CRPPA: variants seen among roughly 807,000 people sequenced by gnomAD.
CRPPA encodes D-ribitol-5-phosphate cytidylyltransferase.
Under a neutral mutation model 52.0 loss-of-function variants are expected in CRPPA, and 43 were observed. The ratio of observed to expected loss-of-function variants is 0.83; its 90% confidence interval spans 0.65 to 1.07. The LOEUF is 1.07. CRPPA is among the 50% of genes least tolerant of loss of function. The pLI is 0.00. For synonymous variants in CRPPA, 250 were observed against 203.5 expected, an observed-to-expected ratio of 1.23 and a Z score of -1.94; for missense variants, 629 against 551.7, an observed-to-expected ratio of 1.14 and a Z score of -1.40.
At chr7:16,389,913 C>CAA (rs1163092089) in intron 2 of CRPPA, among the ~76,000 whole-genome samples, 15 of 34,314 alleles carry the variant, frequency 4.4e-4, no homozygotes, top group African/African-American at 2.2e-3. Flanking sequence ...GCCTAGTATA[C>CAA]AAAAAAAAAA....
chr7:16,239,338 C>T (rs1489209925), intron 8 of CRPPA, among the ~76,000 whole-genome samples: 2 of 151,620 alleles, frequency 1.3e-5, no homozygotes, highest in African/African-American at 2.4e-5. Context: ...TTACAAGTTA[C>T]ATTTATACAT....
At chr7:16,130,445 A>G (rs1395649194) in intron 9 of CRPPA, among the ~76,000 whole-genome samples, 1 of 151,884 alleles carries the variant, frequency 6.6e-6, no homozygotes, top group Non-Finnish European at 1.5e-5. Context: ...CTTGAGTTTT[A>G]TTTAATTCTT....
At chr7:16,131,002 C>A (rs1025446967) in intron 9 of CRPPA, among the ~76,000 whole-genome samples, 1 of 152,210 alleles carries the variant, frequency 6.6e-6, no homozygotes, top group African/African-American at 2.4e-5. Flanking sequence ...CAGGCCCTCA[C>A]CAGACACAGG....
At chr7:16,319,789 T>C (rs1047559660) in intron 3 of CRPPA, among the ~76,000 whole-genome samples, 7 of 152,154 alleles carry the variant, frequency 4.6e-5, no homozygotes, top group African/African-American at 1.7e-4. Flanking sequence ...CAGCATCCTA[T>C]GTTCTCCCGG....
intron 3 of CRPPA, among the ~76,000 whole-genome samples, chr7:16,310,909 T>C (rs528544354): frequency 8.4e-4 from 128 of 152,234 alleles, no homozygotes; most frequent in African/African-American, 1.5e-3. Flanking sequence ...ATTTTAAACA[T>C]AGAATTCTAC....
intron 3 of CRPPA, among the ~76,000 whole-genome samples, chr7:16,316,533 T>C (rs185142439): frequency 6.6e-6 from 1 of 152,246 alleles, no homozygotes; most frequent in African/African-American, 2.4e-5. Flanking sequence ...ATCAGTCTCA[T>C]GTTCTGGTGG....
intron 8 of CRPPA, among the ~76,000 whole-genome samples, chr7:16,258,110 A>C (rs1397399786): frequency 6.6e-6 from 1 of 152,096 alleles, no homozygotes; most frequent in Non-Finnish European, 1.5e-5. Context: ...CAGTTGACTT[A>C]AACCGAATAC....
chr7:16,241,012 C>T (rs1267766935), intron 8 of CRPPA, among the ~76,000 whole-genome samples: 1 of 152,010 alleles, frequency 6.6e-6, no homozygotes, highest in Non-Finnish European at 1.5e-5. Flanking sequence ...CATGCTATTA[C>T]TTAGCACATT....
chr7:16,258,773 G>T (rs1293007508), intron 7 of CRPPA, 147 bp downstream of exon 7: 1 of 563,518 alleles, frequency 1.8e-6, no homozygotes, highest in Non-Finnish European at 3.0e-6. Context: ...CTTGTTGAAA[G>T]TATTATTTCT....
rs545663821 is a variant in CRPPA at position 16,303,477 on chromosome 7, T to TAAAAAAAA, written c.790-2019_790-2012dup. Among the ~76,000 whole-genome samples, 136 of 44,956 alleles carry TAAAAAAAA rather than the reference T, an allele frequency of 3.0e-3. 8 individuals carry two copies. Among genetic ancestry groups the TAAAAAAAA allele is most frequent in the African/African-American group, 9.4e-3 (113 of 12,072 alleles). The allele number at this position is 44,956 out of a possible 152,430, so 29.5% of individuals were successfully genotyped here. ...GTTTCTGTGTTGAGACATAAAATAG[T>TAAAAAAAA]AAAAAAAAAAAAAAAAAAAAAAAAA... On this transcript the variant is annotated intron_variant, in intron 4 of 9. Coordinates refer to ENST00000407010, the MANE Select transcript of CRPPA (RefSeq NM_001101426.4).
rs114863933 is a variant in CRPPA, at chr7:16,158,174, G to A, written c.1251+57892C>T. On this transcript the variant is annotated intron_variant, in intron 9 of 9. Transcript: ENST00000407010. ...GCTGGGATTACAGGCGTGAGCCACC[G>A]TGCCTGGCCAAATGTAGATATTTCT... 6.6e-3 allele frequency among the ~76,000 whole-genome samples: 1,001 copies of A among 151,828 alleles called. 13 individuals carry two copies. Among genetic ancestry groups the A allele is most frequent in the African/African-American group, 0.022 (917 of 41,432 alleles).
chr7:16,172,016 G>A (rs1345134269), intron 9 of CRPPA, among the ~76,000 whole-genome samples: 3 of 152,134 alleles, frequency 2.0e-5, no homozygotes, highest in African/African-American at 7.2e-5. Context: ...TATTGAAAAT[G>A]TCATTTCAGT....
chr7:16,296,118 T>C (rs1272551406), intron 5 of CRPPA, among the ~76,000 whole-genome samples: 3 of 152,168 alleles, frequency 2.0e-5, no homozygotes, highest in Admixed American at 6.6e-5. Flanking sequence ...TCTATACATG[T>C]TTCTTCAAAT....
At chr7:16,286,813 G>C (rs1784461506) in intron 5 of CRPPA, among the ~76,000 whole-genome samples, 1 of 152,030 alleles carries the variant, frequency 6.6e-6, no homozygotes, top group South Asian at 2.1e-4. Context: ...TTCTACTCAG[G>C]TAGAAATCAC....
Position 16,373,283 on chromosome 7 carries a change from C to T in CRPPA, c.684+2809G>A, listed in dbSNP as rs552430000. Among the ~76,000 whole-genome samples the T allele has an allele frequency of 2.5e-4, 38 of 151,248 alleles. 1 individual carries two copies. In the East Asian group the frequency reaches 3.5e-3, roughly 14 times the overall value. ...TGCAGTCTAGCCTGGGCAACAAGAG[C>T]GAAACTCCATCTCAGAAAAAAAAAA... On this transcript the variant is annotated intron_variant, in intron 3 of 9. Coordinates refer to ENST00000407010, the MANE Select transcript of CRPPA (RefSeq NM_001101426.4).
At chr7:16,140,194 C>T (rs6979410) in intron 9 of CRPPA, among the ~76,000 whole-genome samples, 3,422 of 152,296 alleles carry the variant, frequency 0.022, 135 homozygotes, top group African/African-American at 0.077. Flanking sequence ...GTTGCCCAGG[C>T]TGGACTGCAG....
In CRPPA at chr7:16,357,237, G is replaced by C. The variant is rs1172829827; in HGVS notation, c.684+18855C>G. On this transcript the variant is annotated intron_variant, in intron 3 of 9. Transcript: ENST00000407010. ...TCTACCACCCAGGCTAGAGTGCAGAGGCACAATCTCTGCTCACTGCAACCG... is the reference window on the plus strand; with the variant it reads ...TCTACCACCCAGGCTAGAGTGCAGACGCACAATCTCTGCTCACTGCAACCG... 3.9e-5 allele frequency among the ~76,000 whole-genome samples: 6 copies of C among 152,102 alleles called. No homozygotes were observed. In the South Asian group the frequency reaches 1.2e-3, roughly 32 times the overall value.
chr7:16,403,844 C>T (rs532707924), intron 2 of CRPPA, among the ~76,000 whole-genome samples: 46 of 117,204 alleles, frequency 3.9e-4, no homozygotes, highest in African/African-American at 1.7e-3. Context: ...TTAGCTGAAT[C>T]TAGCCTTGAG....
At chr7:16,397,973 C>G (rs1395839613) in intron 2 of CRPPA, among the ~76,000 whole-genome samples, 2 of 152,186 alleles carry the variant, frequency 1.3e-5, no homozygotes, top group South Asian at 2.1e-4. Context: ...ACTTACATGC[C>G]ATTGACCTTA....
Sources: allele counts gnomAD v4.1 joint callset (sites outside exome capture counted in the v4.1 genomes callset), GRCh38; gene constraint gnomAD v4.1.1; transcripts MANE v1.5; gene names NCBI Gene and HGNC (gene_info 2026-07-23, HGNC 2026-07-21).